PIEZO2: variants seen among roughly 807,000 people sequenced by gnomAD.
The protein encoded by PIEZO2 is piezo-type mechanosensitive ion channel component 2.
PIEZO2 carries 172 observed loss-of-function variants against 337.3 expected under a neutral mutation model. The ratio of observed to expected loss-of-function variants is 0.51; its 90% CI spans 0.45 to 0.58. PIEZO2 has a LOEUF of 0.58. Ranked by LOEUF, PIEZO2 falls within the 20% of genes least tolerant of loss-of-function variation. The probability of loss-of-function intolerance (pLI) is 0.00; values close to 1 mark genes in which losing one functional copy is unlikely to be tolerated. For synonymous variants in PIEZO2, 1,251 were observed against 1,228.5 expected (o/e 1.02, Z -0.38); for missense variants, 3,028 against 3,391.3 (o/e 0.89, Z 2.66).
At chr18:10,838,856 C>T (rs1033221457) in intron 7 of PIEZO2, among the ~76,000 whole-genome samples, 3 of 152,180 alleles carry the variant, frequency 2.0e-5, no homozygotes, top group Non-Finnish European at 4.4e-5. Context: ...GACAGCAAGA[C>T]GTAGCTCAAC....
intron 1 of PIEZO2, among the ~76,000 whole-genome samples, chr18:11,068,023 G>A (rs1285271687): frequency 3.3e-5 from 5 of 152,162 alleles, no homozygotes; most frequent in Non-Finnish European, 5.9e-5. Context: ...CCAGGTTCAC[G>A]CCATTTTCCT....
chr18:10,904,654 A>C (rs895922215), intron 4 of PIEZO2, among the ~76,000 whole-genome samples: 2 of 152,236 alleles, frequency 1.3e-5, no homozygotes, highest in African/African-American at 4.8e-5. Context: ...GCCACAAGAA[A>C]GCCATGTACC....
In PIEZO2 at chr18:11,112,947, C is replaced by G. The variant is rs2146154016; in HGVS notation, c.64+35578G>C. Among the ~76,000 whole-genome samples, 1 of 152,288 alleles carries G rather than the reference C, an allele frequency of 6.6e-6. No homozygotes were observed. The highest frequency in any genetic ancestry group is 2.1e-4 in the South Asian group (1 of 4,814). On this transcript the variant is annotated intron_variant, in intron 1 of 55. Coordinates refer to ENST00000674853, the MANE Select transcript of PIEZO2 (RefSeq NM_001378183.1). The surrounding 1 kb of genome is among the most constrained non-coding windows in gnomAD (Gnocchi z 4.3). ...GGTTTTCTCAGGTTCAAGCTGCTCT[C>G]TAGATTCAGACCTACAGGATAAAGG...
rs1435513186 is a variant in PIEZO2, at chr18:10,980,509, G to A, written c.161-849C>T. On this transcript the variant is annotated intron_variant, in intron 2 of 55. Transcript: ENST00000674853. This position sits in a 1 kb window ranked among gnomAD's most constrained non-coding sequence, Gnocchi z 4.8. ...GCCACTAATTAACATATCACTGGAT[G>A]TACTGGTCAATGCCATAAGATAAGA... 1.3e-5 allele frequency among the ~76,000 whole-genome samples: 2 copies of A among 152,172 alleles called. No individual in the cohort carries two copies. Among genetic ancestry groups the A allele is most frequent in the Non-Finnish European group, 2.9e-5 (2 of 68,022 alleles).
chr18:11,058,023 G>C (rs2037793076), intron 2 of PIEZO2, among the ~76,000 whole-genome samples: 1 of 152,154 alleles, frequency 6.6e-6, no homozygotes, highest in East Asian at 1.9e-4. Context: ...GGATAGCCCT[G>C]GTCTACAGAA....
intron 3 of PIEZO2, among the ~76,000 whole-genome samples, chr18:10,966,798 AGTCCATTGTATCATTCTTAT>A (rs2034020292): frequency 6.6e-6 from 1 of 151,964 alleles, no homozygotes; most frequent in Non-Finnish European, 1.5e-5. Context: ...GAGTCCCCAA[AGTCCATTGTATCATTCTTAT>A]ACCTTTGTTT....
At position 10,877,866 on chromosome 18, in the gene PIEZO2, C is replaced by T. The variant is rs575761961; in HGVS notation, c.330-6451G>A. On this transcript the variant is annotated intron_variant, in intron 4 of 55. Coordinates refer to ENST00000674853, the MANE Select transcript of PIEZO2 (RefSeq NM_001378183.1). The surrounding 1 kb of genome is among the most constrained non-coding windows in gnomAD (Gnocchi z 5.3). ...ATCCCAGATCTGGTTTCCCTTATCT[C>T]TTGCCATCATTTCCCTCTACCTCAA... Among the ~76,000 whole-genome samples, 1 of 152,304 alleles carries T rather than the reference C, an allele frequency of 6.6e-6. No individual in the cohort carries two copies. The highest frequency in any genetic ancestry group is 6.5e-5 in the Admixed American group (1 of 15,300).
chr18:10,916,367 G>A (rs191798274), intron 3 of PIEZO2, among the ~76,000 whole-genome samples: 36 of 152,288 alleles, frequency 2.4e-4, no homozygotes, highest in African/African-American at 7.7e-4. Flanking sequence ...GCTCGGGCCT[G>A]TGCTGCAGCC....
chr18:10,868,643 A>C (rs2042065557), intron 5 of PIEZO2, among the ~76,000 whole-genome samples: 1 of 152,242 alleles, frequency 6.6e-6, no homozygotes, highest in African/African-American at 2.4e-5. Flanking sequence ...TGTTATCTTT[A>C]AATAATGTGA....
intron 5 of PIEZO2, among the ~76,000 whole-genome samples, chr18:10,857,856 C>T (rs1432545323): frequency 6.6e-6 from 1 of 152,176 alleles, no homozygotes; most frequent in Non-Finnish European, 1.5e-5. Flanking sequence ...AGAACATATG[C>T]ATATTTCCAT....
At chr18:10,997,783 A>G (rs931564856) in intron 2 of PIEZO2, among the ~76,000 whole-genome samples, 2 of 152,156 alleles carry the variant, frequency 1.3e-5, no homozygotes, top group African/African-American at 4.8e-5. Context: ...AAGGGACAAA[A>G]TAAAAAGGTC....
chr18:10,731,524 G>T lies in PIEZO2; in HGVS notation c.4915-3C>A. 6.7e-7 allele frequency: 1 copy of T among 1,500,832 alleles called. No homozygotes were observed. The highest frequency in any genetic ancestry group is 1.3e-5 in the South Asian group (1 of 79,704). The allele number at this position is 1,500,832 out of a possible 1,614,324, so 93.0% of individuals were successfully genotyped here. On this transcript the variant is annotated splice_region_variant and splice_polypyrimidine_tract_variant and intron_variant, in intron 35 of 55. Transcript: ENST00000674853. ...GTAATCCAGGCTTGATAAACAAACT[G>T]AAGGGAGAAAGTTCAATTATTTTCT...
At chr18:11,018,381 TC>T (rs1328816988) in intron 2 of PIEZO2, among the ~76,000 whole-genome samples, 54 of 97,238 alleles carry the variant, frequency 5.6e-4, no homozygotes, top group African/African-American at 1.9e-3. Flanking sequence ...TCCCAACATG[TC>T]GTGTGTGTGT....
At chr18:11,059,171 A>T (rs1204054112) in intron 2 of PIEZO2, among the ~76,000 whole-genome samples, 3 of 152,240 alleles carry the variant, frequency 2.0e-5, no homozygotes, top group African/African-American at 4.8e-5. Context: ...TCATAAGTGA[A>T]GGAGAAATAA....
At chr18:10,992,473 C>T (rs1453389088) in intron 2 of PIEZO2, among the ~76,000 whole-genome samples, 1 of 152,134 alleles carries the variant, frequency 6.6e-6, no homozygotes, top group Non-Finnish European at 1.5e-5. Context: ...CCCAACACCA[C>T]TTATTAAAGA....
At chr18:11,108,710 A>G (rs979102246) in intron 1 of PIEZO2, among the ~76,000 whole-genome samples, 5 of 150,248 alleles carry the variant, frequency 3.3e-5, no homozygotes, top group African/African-American at 1.2e-4. Flanking sequence ...TTATTCCCAC[A>G]CCCACTGTGT....
At chr18:10,761,740 T>C (rs1483407345) in intron 23 of PIEZO2, among the ~76,000 whole-genome samples, 2 of 152,214 alleles carry the variant, frequency 1.3e-5, no homozygotes, top group Non-Finnish European at 2.9e-5. Context: ...ACAAAAGATA[T>C]CTACCATGTG....
In PIEZO2 at chr18:10,857,082, C is replaced by T; in HGVS notation, c.622G>A (p.Ala208Thr). ...LKMFRRLASV[A>T]SKLKEFIGNM... ...CCAATGAACTCCTTGAGCTTAGAGG[C>T]CACAGAGGCAAGCCTGCGGAACATT... Residue 208 changes from alanine (A) to threonine (T), a missense_variant, in exon 6 of 56, where the codon GCC (alanine) becomes ACC (threonine). Physicochemically the swap from Ala to Thr is moderately conservative, Grantham distance 58. Transcript: ENST00000674853. 6.5e-7 allele frequency: 1 copy of T among 1,537,496 alleles called. No homozygotes were observed. The highest frequency in any genetic ancestry group is 8.7e-7 in the Non-Finnish European group (1 of 1,146,970).
chr18:11,000,561 C>T (rs933287269), intron 2 of PIEZO2, among the ~76,000 whole-genome samples: 1 of 152,182 alleles, frequency 6.6e-6, no homozygotes, highest in Non-Finnish European at 1.5e-5. Flanking sequence ...CCACTCCTTT[C>T]CTCCTTCTAA....
Sources: gnomAD v4.1 joint callset for allele counts (sites outside exome capture counted in the v4.1 genomes callset) on GRCh38, gnomAD v4.1.1 for gene constraint, Gnocchi (gnomAD v3.1) non-coding constraint, MANE v1.5 for transcripts, NCBI Gene and HGNC (gene_info 2026-07-23, HGNC 2026-07-21) for gene names.